The following FREM2 variants were observed in gnomAD, a reference collection of about 807,000 sequenced individuals.
FREM2 encodes the protein FRAS1-related extracellular matrix protein 2.
Under a neutral mutation model 219.9 loss-of-function variants are expected in FREM2, and 119 were observed. That is an observed-to-expected ratio of 0.54 (90% CI 0.47 to 0.63). The LOEUF (loss-of-function observed/expected upper bound fraction) is 0.63, where lower values mean the gene tolerates loss of function less well. Ranked by LOEUF, FREM2 falls within the 30% of genes least tolerant of loss-of-function variation. The probability of loss-of-function intolerance (pLI) is 0.00; values close to 1 mark genes in which losing one functional copy is unlikely to be tolerated. For missense variants in FREM2, 4,030 were observed against 3,993.6 expected, an observed-to-expected ratio of 1.01 and a Z score of -0.25; for synonymous variants, 1,562 against 1,522.8, an observed-to-expected ratio of 1.03 and a Z score of -0.60.
At chr13:38,721,181 A>G (rs1871226205) in intron 2 of FREM2, among the ~76,000 whole-genome samples, 1 of 151,750 alleles carries the variant, frequency 6.6e-6, no homozygotes, top group African/African-American at 2.4e-5. Flanking sequence ...AAAATAAATA[A>G]TTGAAATTTT....
chr13:38,733,620 A>G (rs989878805), intron 2 of FREM2, among the ~76,000 whole-genome samples: 1 of 152,140 alleles, frequency 6.6e-6, no homozygotes, highest in East Asian at 1.9e-4. Context: ...AACTTTATAT[A>G]TATTTACAGC....
chr13:38,811,736 G>A (rs570126333), intron 6 of FREM2, among the ~76,000 whole-genome samples: 3 of 152,254 alleles, frequency 2.0e-5, no homozygotes, highest in South Asian at 4.1e-4. Flanking sequence ...CTGTTCTTGA[G>A]AATGATTCCT....
chr13:38,692,645 T>C, intron 1 of FREM2, 128 bp downstream of exon 1: 1 of 1,106,328 alleles, frequency 9.0e-7, no homozygotes, highest in South Asian at 1.3e-5. Context: ...ATGGGGAGAA[T>C]ATAGGGACTC....
At chr13:38,715,739 A>G (rs920425592) in intron 2 of FREM2, among the ~76,000 whole-genome samples, 3 of 152,150 alleles carry the variant, frequency 2.0e-5, no homozygotes, top group South Asian at 2.1e-4. Flanking sequence ...TGATCATTCT[A>G]TCAGAGAATG....
chr13:38,726,071 G>A (rs1235822779), intron 2 of FREM2, among the ~76,000 whole-genome samples: 5 of 152,188 alleles, frequency 3.3e-5, no homozygotes, highest in Non-Finnish European at 7.3e-5. Flanking sequence ...CGCACACCAT[G>A]CCATGCAGGG....
chr13:38,750,132 T>G (rs1367387728), intron 2 of FREM2, among the ~76,000 whole-genome samples: 1 of 152,180 alleles, frequency 6.6e-6, no homozygotes, highest in Non-Finnish European at 1.5e-5. Context: ...CGTCATTTAT[T>G]TTTACTAATC....
chr13:38,827,223 C>G (rs1267982045), intron 6 of FREM2, among the ~76,000 whole-genome samples: 1 of 152,072 alleles, frequency 6.6e-6, no homozygotes, highest in Admixed American at 6.6e-5. Flanking sequence ...CTCTCTGAGT[C>G]TTGACTTAAT....
intron 8 of FREM2, among the ~76,000 whole-genome samples, chr13:38,849,410 C>T (rs1421550849): frequency 6.6e-6 from 1 of 152,140 alleles, no homozygotes; most frequent in Non-Finnish European, 1.5e-5. Context: ...CACTTTCTGT[C>T]GTCTCCTTCC....
At position 38,687,363 on chromosome 13, in the gene FREM2, C is replaced by A. The variant is rs761795500; in HGVS notation, c.19C>A (p.Pro7Thr). 2 of 1,607,484 alleles carry A rather than the reference C, an allele frequency of 1.2e-6. No homozygotes were observed. The highest frequency in any genetic ancestry group is 2.2e-5 in the East Asian group (1 of 44,570). ...CGGGACCATGCACTCAGCCGGGACT[C>A]CCGGGTTATCCTCGCGCCGGACAGG... is the stretch of plus-strand genomic sequence containing the variant. Reference protein sequence around the residue: MHSAGTPGLSSRRTGNS... With the variant: MHSAGTTGLSSRRTGNS... Residue 7 changes from proline to threonine, a missense_variant, in exon 1 of 24, where the codon CCC becomes ACC. Around this residue, in one of 2 missense-constraint regions of FREM2, gnomAD observed 3,102 missense variants for 2,950.7 expected, o/e 1.05. Coordinates refer to ENST00000280481, the MANE Select transcript of FREM2 (RefSeq NM_207361.6).
At chr13:38,855,523 C>A (rs931393415) in intron 11 of FREM2, among the ~76,000 whole-genome samples, 2 of 152,124 alleles carry the variant, frequency 1.3e-5, no homozygotes, top group African/African-American at 4.8e-5. Flanking sequence ...AACTGTGGGC[C>A]AACGAACCAA....
chr13:38,871,785 C>T (rs1424944149), intron 16 of FREM2, among the ~76,000 whole-genome samples: 4 of 152,034 alleles, frequency 2.6e-5, no homozygotes, highest in African/African-American at 9.7e-5. Flanking sequence ...GAAACTAGTA[C>T]AGTTTCTGAA....
intron 6 of FREM2, among the ~76,000 whole-genome samples, chr13:38,799,058 C>A (rs886770246): frequency 6.6e-6 from 1 of 151,786 alleles, no homozygotes; most frequent in Admixed American, 6.6e-5. Context: ...TTCCCTGAGG[C>A]GCATCATTAT....
Position 38,690,934 on chromosome 13 carries a change from A to G in FREM2, c.3590A>G (p.Glu1197Gly), listed in dbSNP as rs1218656868. ...GAACAGCCAGAGATGTTTATGAGAG[A>G]ATTTATGGTGATGGAAGGCATGAGT... The part of the protein sequence containing the change: ...NDEQPEMFMR[E>G]FMVMEGMSLV... The change falls in exon 1 of 24, where the codon GAA (glutamate) becomes GGA (glycine). Residue 1197 changes from glutamate (E) to glycine (G), a missense_variant. Glu to Gly is a moderately conservative substitution (Grantham distance 98). This residue lies in a region of FREM2 where 3,102 missense variants were observed against 2,950.7 expected (regional missense o/e 1.05). Transcript: ENST00000280481. 1 of 1,614,096 alleles carries G rather than the reference A, an allele frequency of 6.2e-7. No individual in the cohort carries two copies. Among genetic ancestry groups the G allele is most frequent in the Non-Finnish European group, 8.5e-7 (1 of 1,180,010 alleles).
In FREM2 at chr13:38,687,498, G is replaced by C. The variant is rs1869518015; in HGVS notation, c.154G>C (p.Gly52Arg). Reference sequence around the variant, plus strand: ...CGTCCCGGCACAGCCCGCTGCCTTCGGCAGGGCGTTGCTGTCCCCTGGTCT... The same window carrying C: ...CGTCCCGGCACAGCCCGCTGCCTTCCGCAGGGCGTTGCTGTCCCCTGGTCT... ...SRVPAQPAAF[G>R]RALLSPGLAG... The change falls in exon 1 of 24, where the codon GGC becomes CGC. Residue 52 changes from glycine (G) to arginine (R), a missense_variant. Physicochemically the swap from Gly to Arg is moderately radical, Grantham distance 125. Coordinates refer to ENST00000280481, the MANE Select transcript of FREM2 (RefSeq NM_207361.6). 3 of 1,594,638 alleles carry C rather than the reference G, an allele frequency of 1.9e-6. No individual in the cohort carries two copies. The highest frequency in any genetic ancestry group is 1.7e-4 in the Middle Eastern group (1 of 6,058).
intron 16 of FREM2, among the ~76,000 whole-genome samples, chr13:38,868,121 C>A (rs1878035002): frequency 6.6e-6 from 1 of 152,180 alleles, no homozygotes; most frequent in Admixed American, 6.5e-5. Context: ...ACACCCTCAC[C>A]TCAACATACA....
At chr13:38,860,707 T>G (rs1179447822) in intron 14 of FREM2, among the ~76,000 whole-genome samples, 4 of 152,234 alleles carry the variant, frequency 2.6e-5, no homozygotes, top group African/African-American at 9.6e-5. Flanking sequence ...AAATTATAAT[T>G]CAGCGTCTTG....
chr13:38,725,492 G>A (rs73459877), intron 2 of FREM2, among the ~76,000 whole-genome samples: 4,299 of 152,270 alleles, frequency 0.028, 224 homozygotes, highest in African/African-American at 0.098. Flanking sequence ...GCTGAGCCCT[G>A]ATGAGTGAAA....
intron 6 of FREM2, among the ~76,000 whole-genome samples, chr13:38,830,183 G>A (rs536203417): frequency 6.6e-6 from 1 of 152,194 alleles, no homozygotes; most frequent in African/African-American, 2.4e-5. Flanking sequence ...GATAACAAAC[G>A]AAAGTGAGGA....
At chr13:38,695,347 A>G (rs900909755) in intron 1 of FREM2, among the ~76,000 whole-genome samples, 8 of 152,158 alleles carry the variant, frequency 5.3e-5, no homozygotes, top group African/African-American at 1.9e-4. Flanking sequence ...AGTATGTTCC[A>G]ACTAATCAAT....
Sources: gnomAD v4.1 joint callset for allele counts (sites outside exome capture counted in the v4.1 genomes callset) on GRCh38, gnomAD v4.1.1 for gene constraint, gnomAD v4.1.1 regional missense constraint, MANE v1.5 for transcripts, NCBI Gene and HGNC (gene_info 2026-07-23, HGNC 2026-07-21) for gene names.